Variants in GTF2A1L observed in about 807,000 individuals in gnomAD.
The protein encoded by GTF2A1L is TFIIA-alpha and beta-like factor.
Under a neutral mutation model 49.7 loss-of-function variants are expected in GTF2A1L, and 48 were observed. That is an observed-to-expected ratio of 0.97 (90% CI 0.77 to 1.23). GTF2A1L has a LOEUF of 1.23. GTF2A1L is among the 50% of genes most tolerant of loss of function. The probability of loss-of-function intolerance (pLI) is 0.00; values close to 1 mark genes in which losing one functional copy is unlikely to be tolerated. For synonymous variants in GTF2A1L, 246 were observed against 193.5 expected (o/e 1.27, Z -2.25); for missense variants, 736 against 564.8 (o/e 1.30, Z -3.07).
intron 6 of GTF2A1L, among the ~76,000 whole-genome samples, chr2:48,651,433 GTTC>G (rs1224948136): frequency 2.7e-4 from 35 of 128,094 alleles, no homozygotes; most frequent in African/African-American, 1.2e-3. Context: ...TATGTTGTGA[GTTC>G]TTTTTTTTTT....
At chr2:48,642,016 G>A (rs891371996) in intron 3 of GTF2A1L, among the ~76,000 whole-genome samples, 1 of 152,114 alleles carries the variant, frequency 6.6e-6, no homozygotes, top group African/African-American at 2.4e-5. Context: ...ATACAATTTA[G>A]AATGGGTTTA....
chr2:48,620,368 C>G (rs1323400761), intron 1 of GTF2A1L, among the ~76,000 whole-genome samples: 1 of 152,148 alleles, frequency 6.6e-6, no homozygotes, highest in Non-Finnish European at 1.5e-5. Flanking sequence ...TTATGGAAAG[C>G]TAAGACTATA....
Position 48,626,895 on chromosome 2 carries a change from A to G in GTF2A1L, c.247+5605A>G, listed in dbSNP as rs1419156659. Among the ~76,000 whole-genome samples the G allele has an allele frequency of 1.4e-5, 2 of 144,336 alleles. 1 individual carries two copies. Among genetic ancestry groups the G allele is most frequent in the African/African-American group, 4.9e-5 (2 of 40,576 alleles). 94.7% of individuals were successfully genotyped at this position (144,336 alleles called of 152,430 possible). A position where few individuals can be genotyped will look rare whatever the true frequency, so the allele number is the denominator to read the frequency against. The stretch of plus-strand genomic sequence containing the variant: ...ATTCTTAAGAATTTTATTTTTTAAG[A>G]TGCTATTGTAAATGAGATTGTTTTT... On this transcript the variant is annotated intron_variant, in intron 3 of 8. Transcript: ENST00000403751.
At chr2:48,660,249 A>G (rs1031085932) in intron 6 of GTF2A1L, among the ~76,000 whole-genome samples, 2 of 151,930 alleles carry the variant, frequency 1.3e-5, no homozygotes, top group Non-Finnish European at 2.9e-5. Context: ...TGTAATTTTT[A>G]TGTTTTGTCT....
intron 6 of GTF2A1L, among the ~76,000 whole-genome samples, chr2:48,659,958 A>T (rs1230584636): frequency 1.3e-5 from 2 of 152,096 alleles, no homozygotes; most frequent in Non-Finnish European, 2.9e-5. Flanking sequence ...CCTAATTTTG[A>T]TGTCTTTTAT....
chr2:48,644,096 C>T (rs923724595), intron 4 of GTF2A1L, among the ~76,000 whole-genome samples: 3 of 152,058 alleles, frequency 2.0e-5, no homozygotes, highest in Admixed American at 6.5e-5. Flanking sequence ...ACTTGAGCCT[C>T]GTAATTGGAG....
At chr2:48,618,032 G>A in intron 1 of GTF2A1L, 137 bp downstream of exon 1, 1 of 903,620 alleles carries the variant, frequency 1.1e-6, no homozygotes, top group Non-Finnish European at 1.7e-6. Flanking sequence ...AGGGGCTGGG[G>A]CTCTTCTTCA....
chr2:48,627,488 G>A lies in GTF2A1L; in HGVS notation c.247+6198G>A, dbSNP rs916346495. On this transcript the variant is annotated intron_variant, in intron 3 of 8. Coordinates refer to ENST00000403751, the MANE Select transcript of GTF2A1L (RefSeq NM_006872.5). ...AAAATCATATTCATTGATATAACTA[G>A]GCCTCTCATCCATTGTGGTTGATAT... Among the ~76,000 whole-genome samples, 7 of 143,654 alleles carry A rather than the reference G, an allele frequency of 4.9e-5. 1 individual carries two copies. The highest frequency in any genetic ancestry group is 9.4e-5 in the Non-Finnish European group (6 of 63,838). The allele number at this position is 143,654 out of a possible 152,430, so 94.2% of individuals were successfully genotyped here.
chr2:48,631,226 A>G (rs1676550822), intron 3 of GTF2A1L, among the ~76,000 whole-genome samples: 1 of 152,206 alleles, frequency 6.6e-6, no homozygotes, highest in Non-Finnish European at 1.5e-5. Flanking sequence ...AACATCTGGT[A>G]GAATTCAGCT....
chr2:48,638,142 A>G (rs1677004576), intron 3 of GTF2A1L, among the ~76,000 whole-genome samples: 1 of 152,168 alleles, frequency 6.6e-6, no homozygotes, highest in Non-Finnish European at 1.5e-5. Context: ...GCTGAGTTCT[A>G]CCTGATGTAC....
intron 3 of GTF2A1L, among the ~76,000 whole-genome samples, chr2:48,638,373 C>T (rs1233749254): frequency 6.6e-6 from 1 of 152,150 alleles, no homozygotes; most frequent in African/African-American, 2.4e-5. Context: ...AAAAGCTAAT[C>T]CACCATGATC....
chr2:48,655,775 A>G (rs1678135421), intron 6 of GTF2A1L, among the ~76,000 whole-genome samples: 2 of 152,134 alleles, frequency 1.3e-5, no homozygotes, highest in Admixed American at 6.6e-5. Flanking sequence ...ATTGTTGTGT[A>G]GCTATCACCA....
At chr2:48,654,978 T>C (rs1431175321) in intron 6 of GTF2A1L, among the ~76,000 whole-genome samples, 1 of 152,226 alleles carries the variant, frequency 6.6e-6, no homozygotes, top group Admixed American at 6.5e-5. Context: ...TGGGCTATTC[T>C]AATTCCTTTA....
At chr2:48,647,880 A>G (rs34124947) in intron 6 of GTF2A1L, among the ~76,000 whole-genome samples, 26,632 of 152,142 alleles carry the variant, frequency 0.18, 2,699 homozygotes, top group South Asian at 0.26. Flanking sequence ...TATAAAATAC[A>G]TCTTGTGGCT....
intron 8 of GTF2A1L, among the ~76,000 whole-genome samples, chr2:48,675,167 AG>A (rs1239136532): frequency 1.3e-5 from 2 of 152,292 alleles, no homozygotes; most frequent in East Asian, 3.9e-4. Flanking sequence ...TTACTAATTC[AG>A]TGTGTTTTAT....
At chr2:48,674,620 C>T (rs1040709005) in intron 8 of GTF2A1L, among the ~76,000 whole-genome samples, 2 of 151,830 alleles carry the variant, frequency 1.3e-5, no homozygotes, top group Non-Finnish European at 2.9e-5. Context: ...CAATATATTG[C>T]CTTCTATAAA....
At chr2:48,638,088 A>G (rs962128708) in intron 3 of GTF2A1L, among the ~76,000 whole-genome samples, 3 of 152,204 alleles carry the variant, frequency 2.0e-5, no homozygotes, top group Non-Finnish European at 2.9e-5. Flanking sequence ...TCAGTAATAA[A>G]TAGCCTACCA....
In GTF2A1L at chr2:48,679,562, T is replaced by C; in HGVS notation, c.*120T>C. ...AGCTGTTCAAATTTTTAGTTCACTGTATGGAATTTAATAAAATTATAATTC... is the reference window on the plus strand; with the variant it reads ...AGCTGTTCAAATTTTTAGTTCACTGCATGGAATTTAATAAAATTATAATTC... On this transcript the variant is annotated 3_prime_UTR_variant, in exon 9 of 9. Coordinates refer to ENST00000403751, the MANE Select transcript of GTF2A1L (RefSeq NM_006872.5). 6.8e-7 allele frequency: 1 copy of C among 1,461,386 alleles called. No homozygotes were observed. Among genetic ancestry groups the C allele is most frequent in the South Asian group, 1.4e-5 (1 of 69,962 alleles). The allele number at this position is 1,461,386 out of a possible 1,614,324, so 90.5% of individuals were successfully genotyped here. A position where few individuals can be genotyped will look rare whatever the true frequency, so the allele number is the denominator to read the frequency against.
chr2:48,632,773 A>C (rs1044756390), intron 3 of GTF2A1L: 1 of 176,104 alleles, frequency 5.7e-6, no homozygotes, highest in African/African-American at 2.4e-5. Context: ...AATTTATCTT[A>C]AGTCATTGTG....
Sources: gnomAD v4.1 joint callset for allele counts (sites outside exome capture counted in the v4.1 genomes callset) on GRCh38, gnomAD v4.1.1 for gene constraint, MANE v1.5 for transcripts, NCBI Gene and HGNC (gene_info 2026-07-23, HGNC 2026-07-21) for gene names.